Variants in FER observed in about 807,000 individuals in gnomAD.
FER encodes tyrosine-protein kinase Fer.
Under a neutral mutation model 111.0 loss-of-function variants are expected in FER, and 63 were observed. The observed-to-expected ratio is 0.57, with a 90% CI of 0.46 to 0.70. FER has a LOEUF of 0.70. Among genes scored for constraint, FER ranks in the 30% least tolerant of loss-of-function variants. The pLI, the probability that FER is intolerant of heterozygous loss-of-function variation, is 0.00. For missense variants in FER, 914 were observed against 954.0 expected (o/e 0.96, Z 0.55); for synonymous variants, 327 against 313.9 (o/e 1.04, Z -0.44).
At chr5:108,840,705 G>A (rs1761172950) in intron 5 of FER, among the ~76,000 whole-genome samples, 1 of 152,106 alleles carries the variant, frequency 6.6e-6, no homozygotes, top group Admixed American at 6.5e-5. Flanking sequence ...TGACAGGACT[G>A]CTTCATAGAT....
At chr5:109,007,996 T>C (rs555285072) in intron 13 of FER, among the ~76,000 whole-genome samples, 1 of 152,346 alleles carries the variant, frequency 6.6e-6, no homozygotes, top group Non-Finnish European at 1.5e-5. Context: ...GGTATCTCAC[T>C]GTAGTTTTAA....
intron 13 of FER, among the ~76,000 whole-genome samples, chr5:109,025,232 T>C (rs11738084): frequency 0.17 from 26,015 of 151,950 alleles, 2,785 homozygotes; most frequent in Middle Eastern, 0.3. Context: ...TTTCATGATA[T>C]TGATTCTTCC....
intron 13 of FER, among the ~76,000 whole-genome samples, chr5:109,031,895 T>G (rs1159108751): frequency 2.6e-5 from 4 of 152,132 alleles, no homozygotes; most frequent in Non-Finnish European, 5.9e-5. Flanking sequence ...TTGAACAGAG[T>G]GTAATCTAAG....
chr5:108,840,383 TTTTA>T (rs751121072), intron 5 of FER, among the ~76,000 whole-genome samples: 1 of 152,184 alleles, frequency 6.6e-6, no homozygotes, highest in African/African-American at 2.4e-5. Context: ...ATCTAATAGT[TTTTA>T]TTTTTTTCTG....
intron 17 of FER, among the ~76,000 whole-genome samples, chr5:109,138,447 A>G (rs1223038028): frequency 6.6e-6 from 1 of 152,176 alleles, no homozygotes; most frequent in Non-Finnish European, 1.5e-5. Flanking sequence ...ATCATTATGT[A>G]GTATATACAT....
intron 5 of FER, among the ~76,000 whole-genome samples, chr5:108,847,310 T>A (rs1360435487): frequency 1.3e-5 from 2 of 151,982 alleles, no homozygotes; most frequent in African/African-American, 4.8e-5. Flanking sequence ...AGTTTCCTAA[T>A]GTTTTATCGT....
chr5:108,952,159 C>T (rs1001097312), intron 11 of FER, among the ~76,000 whole-genome samples: 4 of 152,024 alleles, frequency 2.6e-5, no homozygotes, highest in African/African-American at 4.8e-5. Context: ...GGCTTTGCTC[C>T]TACCCCCATA....
At chr5:109,050,181 C>A (rs139268925) in intron 16 of FER, among the ~76,000 whole-genome samples, 5 of 150,532 alleles carry the variant, frequency 3.3e-5, no homozygotes, top group African/African-American at 1.2e-4. Context: ...TCAGTAATAG[C>A]ATTACTGCTA....
At chr5:108,753,854 A>C (rs1479052452) in intron 1 of FER, among the ~76,000 whole-genome samples, 1 of 152,220 alleles carries the variant, frequency 6.6e-6, no homozygotes, top group Non-Finnish European at 1.5e-5. Flanking sequence ...GAACTGACTT[A>C]GCAGTTGAAC....
chr5:108,961,086 T>TTTAA (rs10680866), intron 13 of FER, among the ~76,000 whole-genome samples: 12,819 of 149,516 alleles, frequency 0.086, 998 homozygotes, highest in African/African-American at 0.21. Flanking sequence ...AGACCCTGTC[T>TTTAA]CTAAATAAAG....
At chr5:108,855,514 G>A (rs557071095) in intron 5 of FER, among the ~76,000 whole-genome samples, 2 of 151,498 alleles carry the variant, frequency 1.3e-5, no homozygotes, top group African/African-American at 4.8e-5. Flanking sequence ...CCAGCTACTC[G>A]GGAGGCTGAG....
chr5:108,846,101 T>C (rs1762002012), intron 5 of FER, among the ~76,000 whole-genome samples: 1 of 152,238 alleles, frequency 6.6e-6, no homozygotes, highest in African/African-American at 2.4e-5. Context: ...ATGAGGATAA[T>C]GCTGGCCTCA....
intron 16 of FER, among the ~76,000 whole-genome samples, chr5:109,097,332 C>T (rs1298810263): frequency 6.6e-6 from 1 of 151,732 alleles, no homozygotes; most frequent in Non-Finnish European, 1.5e-5. Context: ...ATAACCTATC[C>T]CATTTTGGTT....
intron 16 of FER, among the ~76,000 whole-genome samples, chr5:109,087,878 C>T (rs1481591033): frequency 6.6e-6 from 1 of 151,682 alleles, no homozygotes; most frequent in African/African-American, 2.4e-5. Context: ...GTAATTATTA[C>T]CTGAATTTCT....
intron 10 of FER, among the ~76,000 whole-genome samples, chr5:108,941,323 A>C (rs556616623): frequency 2.6e-5 from 4 of 152,276 alleles, no homozygotes; most frequent in Admixed American, 2.6e-4. Flanking sequence ...CTTGAGGAAA[A>C]TATTCTTGAA....
chr5:108,819,634 G>T lies in FER; in HGVS notation c.208-13136G>T, dbSNP rs548748653. On this transcript the variant is annotated intron_variant, in intron 3 of 19. Coordinates refer to ENST00000281092, the MANE Select transcript of FER (RefSeq NM_005246.4). The stretch of plus-strand genomic sequence containing the variant: ...AGTGAAGCCCCAGTATGTAAAAGAG[G>T]CAGAGAGCGTCTCTCTCATTTAGAT... Among the ~76,000 whole-genome samples the T allele has an allele frequency of 7.2e-4, 109 of 152,316 alleles. 1 individual carries two copies. Among genetic ancestry groups the T allele is most frequent in the South Asian group, 2.1e-3 (10 of 4,820 alleles).
chr5:108,808,813 C>T (rs143808529), intron 3 of FER, among the ~76,000 whole-genome samples: 102 of 152,156 alleles, frequency 6.7e-4, no homozygotes, highest in Non-Finnish European at 1.2e-3. Flanking sequence ...CTTGCTTGTC[C>T]GGAAAATGTT....
intron 3 of FER, among the ~76,000 whole-genome samples, chr5:108,806,250 G>A (rs943461249): frequency 1.3e-5 from 2 of 152,208 alleles, no homozygotes; most frequent in African/African-American, 4.8e-5. Flanking sequence ...TGAGGTTTGG[G>A]AACCTCCTCC....
chr5:108,760,363 G>A (rs1210446388), intron 1 of FER, among the ~76,000 whole-genome samples: 1 of 152,138 alleles, frequency 6.6e-6, no homozygotes, highest in Non-Finnish European at 1.5e-5. Flanking sequence ...GTCACCAGCT[G>A]CATTAGCCCA....
Sources: allele counts gnomAD v4.1 joint callset (sites outside exome capture counted in the v4.1 genomes callset), GRCh38; gene constraint gnomAD v4.1.1; transcripts MANE v1.5; gene names NCBI Gene and HGNC (gene_info 2026-07-23, HGNC 2026-07-21).